Variants in MARK4 observed in about 807,000 individuals in gnomAD.
MARK4 encodes MAP/microtubule affinity-regulating kinase 4.
In MARK4, 19 loss-of-function variants were observed where a neutral mutation model predicts 81.5. That is an observed-to-expected ratio of 0.23 (90% CI 0.16 to 0.34). MARK4 has a LOEUF of 0.34. Ranked by LOEUF, MARK4 falls within the 10% of genes least tolerant of loss-of-function variation. The pLI, the probability that MARK4 is intolerant of heterozygous loss-of-function variation, is 1.00. For missense variants in MARK4, 772 were observed against 1,058.8 expected (o/e 0.73, Z 3.76); for synonymous variants, 436 against 439.0 (o/e 0.99, Z 0.08).
rs901509483 is a variant in MARK4 at position 45,303,835 on chromosome 19, T to G, written c.*1125T>G. 1 of 152,130 alleles carries G rather than the reference T, an allele frequency of 6.6e-6. No individual in the cohort carries two copies. The highest frequency in any genetic ancestry group is 1.5e-5 in the Non-Finnish European group (1 of 68,036). The allele number at this position is 152,130 out of a possible 1,614,324, so 9.4% of individuals were successfully genotyped here. Reference sequence around the variant, plus strand: ...GGTGGGGTCATTGGGGAAGATGCTCTAGAGGAATTAATGCTGGAATGGGGT... The same window carrying G: ...GGTGGGGTCATTGGGGAAGATGCTCGAGAGGAATTAATGCTGGAATGGGGT... On this transcript the variant is annotated 3_prime_UTR_variant, in exon 17 of 17. Coordinates refer to ENST00000262891, the MANE Select transcript of MARK4 (RefSeq NM_001199867.2).
At chr19:45,283,029 A>G (rs1970696555) in intron 12 of MARK4, among the ~76,000 whole-genome samples, 1 of 152,062 alleles carries the variant, frequency 6.6e-6, no homozygotes, top group South Asian at 2.1e-4. Context: ...CAGTGGCTTT[A>G]ATATATTTAT....
intron 2 of MARK4, among the ~76,000 whole-genome samples, chr19:45,261,694 G>A (rs903681844): frequency 3.3e-5 from 5 of 152,176 alleles, no homozygotes; most frequent in Non-Finnish European, 7.3e-5. Flanking sequence ...AGCACCTTGG[G>A]AGGCTCAGGC....
At chr19:45,259,357 C>T (rs1212030125) in intron 2 of MARK4, among the ~76,000 whole-genome samples, 168 bp downstream of exon 2, 1 of 152,142 alleles carries the variant, frequency 6.6e-6, no homozygotes, top group Non-Finnish European at 1.5e-5. Context: ...CAGAACCACC[C>T]CCATGGGAAA....
intron 12 of MARK4, among the ~76,000 whole-genome samples, chr19:45,285,077 G>T (rs1027286536): frequency 6.6e-6 from 1 of 151,604 alleles, no homozygotes; most frequent in Non-Finnish European, 1.5e-5. Flanking sequence ...GGCGGCAACA[G>T]CAAGACTCTG....
chr19:45,283,433 A>T (rs1178786117), intron 12 of MARK4, among the ~76,000 whole-genome samples: 1 of 144,020 alleles, frequency 6.9e-6, no homozygotes, highest in Non-Finnish European at 1.6e-5. Context: ...AAAAAAAAAA[A>T]AAATCAACTT....
chr19:45,298,099 T>TTCCTCCTC (rs759171482), intron 15 of MARK4, 145 bp downstream of exon 15: 15 of 1,473,524 alleles, frequency 1.0e-5, no homozygotes, highest in Admixed American at 3.5e-5. Context: ...TCCTCCTCCT[T>TTCCTCCTC]TCCTCCTCCC....
At chr19:45,269,256 G>A (rs983871905) in intron 7 of MARK4, among the ~76,000 whole-genome samples, 1 of 152,186 alleles carries the variant, frequency 6.6e-6, no homozygotes, top group Non-Finnish European at 1.5e-5. Flanking sequence ...GTGGGCGCCT[G>A]TAGTCCCAGG....
chr19:45,297,616 G>A, intron 14 of MARK4, 60 bp from the exon 15 acceptor site: 4 of 1,073,656 alleles, frequency 3.7e-6, no homozygotes, highest in Non-Finnish European at 5.3e-6. Flanking sequence ...AAGAATCAAA[G>A]GGACTGGGGC....
At chr19:45,291,519 AC>A (rs1167421686) in intron 13 of MARK4, among the ~76,000 whole-genome samples, 3 of 152,226 alleles carry the variant, frequency 2.0e-5, no homozygotes, top group African/African-American at 7.2e-5. Context: ...GCGGTGGCTT[AC>A]GCCTGTAATC....
intron 2 of MARK4, among the ~76,000 whole-genome samples, chr19:45,259,587 C>T (rs986075311): frequency 5.3e-5 from 8 of 151,804 alleles, no homozygotes; most frequent in African/African-American, 1.9e-4. Context: ...CATAGCAACA[C>T]TTTGTCTCCA....
intron 14 of MARK4, 84 bp from the exon 15 acceptor site, chr19:45,297,592 A>G (rs1970902754): frequency 1.2e-6 from 1 of 820,132 alleles, no homozygotes; most frequent in Non-Finnish European, 1.9e-6. Context: ...CCCTGGTCTC[A>G]GGACAGGAAT....
In MARK4 at chr19:45,302,443, G is replaced by A; in HGVS notation, c.1992G>A (p.Leu664=). The change falls in exon 17 of 17, where the codon CTG becomes CTA. Residue 664 remains leucine, a synonymous_variant. Transcript: ENST00000262891. The surrounding 1 kb of genome is among the most constrained non-coding windows in gnomAD (Gnocchi z 4.9). ...TCCGATTCCCCTGGAGTGTGAAGCTGACCAGCTCGCGCCCTCCTGAGGCCC... is the reference window on the plus strand; with the variant it reads ...TCCGATTCCCCTGGAGTGTGAAGCTAACCAGCTCGCGCCCTCCTGAGGCCC... ...RLLRFPWSVK[L]TSSRPPEALM... 6.2e-7 allele frequency: 1 copy of A among 1,613,896 alleles called. No homozygotes were observed. Among genetic ancestry groups the A allele is most frequent in the Non-Finnish European group, 8.5e-7 (1 of 1,179,938 alleles).
chr19:45,265,070 C>T (rs1294063220), intron 6 of MARK4, among the ~76,000 whole-genome samples, 160 bp downstream of exon 6: 1 of 152,072 alleles, frequency 6.6e-6, no homozygotes, highest in Non-Finnish European at 1.5e-5. Context: ...ATATAGTTGC[C>T]CAGATGTGAG....
intron 8 of MARK4, among the ~76,000 whole-genome samples, chr19:45,273,589 C>A (rs186891296): frequency 6.6e-6 from 1 of 152,182 alleles, no homozygotes; most frequent in Non-Finnish European, 1.5e-5. Context: ...TCCTTTCATC[C>A]GGAACAGTTC....
At chr19:45,268,684 G>T (rs1970487011) in intron 7 of MARK4, among the ~76,000 whole-genome samples, 1 of 151,986 alleles carries the variant, frequency 6.6e-6, no homozygotes, top group Non-Finnish European at 1.5e-5. Flanking sequence ...GGTTGAGGCT[G>T]CAGTGAGCCA....
chr19:45,272,890 AAAAT>A (rs890820121), intron 8 of MARK4, among the ~76,000 whole-genome samples: 19 of 152,230 alleles, frequency 1.2e-4, no homozygotes, highest in African/African-American at 3.4e-4. Flanking sequence ...TCTGTCTCAA[AAAAT>A]AAATAAATAA....
At chr19:45,291,721 G>A (rs1049296871) in intron 13 of MARK4, among the ~76,000 whole-genome samples, 5 of 152,154 alleles carry the variant, frequency 3.3e-5, no homozygotes, top group Admixed American at 3.3e-4. Flanking sequence ...GGCGGAGGTT[G>A]CAGTGAGCTG....
rs1491569779 is a variant in MARK4, at chr19:45,277,868, T to TAA, written c.787-55_787-54insAA. The TAA allele has an allele frequency of 2.0e-3, 2,709 of 1,366,968 alleles. 60 individuals carry two copies. The African/African-American group carries it at 0.038, about 19-fold the overall frequency. 84.7% of individuals were successfully genotyped at this position (1,366,968 alleles called of 1,614,324 possible). ...GTGTGTGTGTGTGTGTGTGTGTGTG[T>TAA]GTAATAGGTGGGGGGCGGGGCAGAC... On this transcript the variant is annotated intron_variant, in intron 8 of 16. Transcript: ENST00000262891.
intron 4 of MARK4, 42 bp from the exon 5 acceptor site, chr19:45,264,642 C>G (rs1774027014): frequency 1.3e-6 from 2 of 1,588,660 alleles, no homozygotes; most frequent in African/African-American, 2.7e-5. Flanking sequence ...TTAGGAGGGG[C>G]CCTTTCTCCC....
Sources: allele counts gnomAD v4.1 joint callset (sites outside exome capture counted in the v4.1 genomes callset), GRCh38; gene constraint gnomAD v4.1.1; non-coding constraint Gnocchi (gnomAD v3.1); transcripts MANE v1.5; gene names NCBI Gene and HGNC (gene_info 2026-07-23, HGNC 2026-07-21).